The following FRMD6 variants were observed in gnomAD, a reference collection of about 807,000 sequenced individuals.
The protein encoded by FRMD6 is FERM domain containing 6.
Under a neutral mutation model 73.2 loss-of-function variants are expected in FRMD6, and 37 were observed. The ratio of observed to expected loss-of-function variants is 0.51; its 90% CI spans 0.39 to 0.66. The LOEUF (loss-of-function observed/expected upper bound fraction) is 0.66, where lower values mean the gene tolerates loss of function less well. FRMD6 is among the 30% of genes least tolerant of loss of function. FRMD6 has a pLI of 0.00. For missense variants in FRMD6, 714 were observed against 780.5 expected (o/e 0.91, Z 1.02); for synonymous variants, 273 against 282.2 (o/e 0.97, Z 0.33).
At chr14:51,456,486 CT>C in the FRMD6 span, among the ~76,000 whole-genome samples, 26 of 152,274 alleles carry the variant, frequency 1.7e-4, no homozygotes, top group East Asian at 4.1e-3. Flanking sequence ...TGAACTCATC[CT>C]TTTTTTACAG....
At chr14:51,689,279 C>T (rs4542578) in intron 1 of FRMD6, among the ~76,000 whole-genome samples, 1 of 152,052 alleles carries the variant, frequency 6.6e-6, no homozygotes, top group Admixed American at 6.5e-5. Context: ...ATGTAAGAGC[C>T]AAGACATTTA....
intron 2 of FRMD6, among the ~76,000 whole-genome samples, chr14:51,577,964 C>G (rs1262064137): frequency 6.6e-6 from 1 of 152,138 alleles, no homozygotes; most frequent in Non-Finnish European, 1.5e-5. Context: ...ACCAATAGGG[C>G]CTACTCACAG....
the FRMD6 span, among the ~76,000 whole-genome samples, chr14:51,457,533 A>G: frequency 3.9e-5 from 6 of 152,168 alleles, no homozygotes; most frequent in Non-Finnish European, 8.8e-5. Flanking sequence ...AGTTAGAGAA[A>G]TGTCCCCCAT....
Position 51,699,927 on chromosome 14 carries a change from TAAG to T in FRMD6, c.191-1128_191-1126del, listed in dbSNP as rs570891427. Among the ~76,000 whole-genome samples the T allele has an allele frequency of 3.9e-4, 55 of 141,974 alleles. 2 individuals carry two copies. In the East Asian group the frequency reaches 9.5e-3, roughly 24 times the overall value. 93.1% of individuals were successfully genotyped at this position (141,974 alleles called of 152,430 possible). ...TGTTAGTTGACCTAATAACTGGATT[TAAG>T]TAGCATTCCTTTTTTTGTCTCTGGG... On this transcript the variant is annotated intron_variant, in intron 3 of 13. Coordinates refer to ENST00000344768, the MANE Select transcript of FRMD6 (RefSeq NM_001267046.2).
intron 10 of FRMD6, among the ~76,000 whole-genome samples, 199 bp downstream of exon 10, chr14:51,715,698 AT>A (rs1292285917): frequency 1.3e-5 from 2 of 152,214 alleles, no homozygotes; most frequent in African/African-American, 4.8e-5. Context: ...TGTAGCACTT[AT>A]TCAGAATATC....
intron 1 of FRMD6, among the ~76,000 whole-genome samples, chr14:51,512,809 G>A (rs1884393754): frequency 6.6e-6 from 1 of 152,138 alleles, no homozygotes; most frequent in South Asian, 2.1e-4. Context: ...AAGGATTGGG[G>A]CTCAGTGGTG....
At chr14:51,672,746 C>CT (rs1222042197) in intron 1 of FRMD6, among the ~76,000 whole-genome samples, 1 of 152,066 alleles carries the variant, frequency 6.6e-6, no homozygotes, top group Non-Finnish European at 1.5e-5. Context: ...GGAAGTTTGT[C>CT]TTTTAACAGA....
chr14:51,556,319 T>C (rs1449561464), intron 1 of FRMD6, among the ~76,000 whole-genome samples: 2 of 152,262 alleles, frequency 1.3e-5, no homozygotes, highest in African/African-American at 4.8e-5. Flanking sequence ...GAATGCACTG[T>C]ATTCATTTTT....
chr14:51,680,581 C>A (rs1894724406), intron 1 of FRMD6, among the ~76,000 whole-genome samples: 1 of 152,118 alleles, frequency 6.6e-6, no homozygotes, highest in East Asian at 1.9e-4. Context: ...TATGCTTATT[C>A]ATTGACTAAC....
chr14:51,689,580 T>TA (rs1895400290), intron 1 of FRMD6, 111 bp from the exon 2 acceptor site: 1 of 448,312 alleles, frequency 2.2e-6, no homozygotes, highest in African/African-American at 1.9e-5. Context: ...TGGCTGGAGA[T>TA]ATGCTGTCCC....
chr14:51,542,887 C>T (rs1446820131), intron 1 of FRMD6, among the ~76,000 whole-genome samples: 2 of 151,984 alleles, frequency 1.3e-5, no homozygotes, highest in East Asian at 3.9e-4. Flanking sequence ...AGCATCTTTC[C>T]ATATACTTCT....
chr14:51,421,859 C>T, the FRMD6 span, among the ~76,000 whole-genome samples: 1 of 152,194 alleles, frequency 6.6e-6, no homozygotes, highest in African/African-American at 2.4e-5. Flanking sequence ...GCAGCCCAGG[C>T]CTGCAGACTT....
intron 1 of FRMD6, among the ~76,000 whole-genome samples, chr14:51,564,073 A>G (rs543452694): frequency 6.6e-6 from 1 of 152,260 alleles, no homozygotes; most frequent in South Asian, 2.1e-4. Flanking sequence ...TCTGGTCACT[A>G]TTTATCCTAC....
chr14:51,518,735 C>T (rs1372021652), intron 1 of FRMD6, among the ~76,000 whole-genome samples: 1 of 152,208 alleles, frequency 6.6e-6, no homozygotes, highest in African/African-American at 2.4e-5. Context: ...ACGATACAAG[C>T]CTTACTCCAA....
exon 1 of FRMD6, chr14:51,489,192 A>G (rs995787328): frequency 3.3e-5 from 5 of 152,160 alleles, no homozygotes; most frequent in African/African-American, 7.2e-5. Flanking sequence ...CTTTCCCCCA[A>G]TCTCAATCCC....
intron 1 of FRMD6, among the ~76,000 whole-genome samples, chr14:51,665,054 G>T (rs1369999259): frequency 6.6e-6 from 1 of 152,192 alleles, no homozygotes; most frequent in Non-Finnish European, 1.5e-5. Context: ...CATCATGCCA[G>T]CCCAGAGTTG....
the FRMD6 span, among the ~76,000 whole-genome samples, chr14:51,437,384 C>T: frequency 2.6e-5 from 4 of 152,158 alleles, no homozygotes; most frequent in Admixed American, 2.0e-4. Context: ...CTCACTGCAA[C>T]CTCCGCCTGC....
At chr14:51,702,891 G>T (rs930063318) in intron 5 of FRMD6, among the ~76,000 whole-genome samples, 2 of 151,910 alleles carry the variant, frequency 1.3e-5, no homozygotes, top group Non-Finnish European at 2.9e-5. Context: ...AACCAAATCA[G>T]TCTCCAAAAA....
At chr14:51,705,920 G>T (rs1896599145) in intron 6 of FRMD6, among the ~76,000 whole-genome samples, 1 of 152,062 alleles carries the variant, frequency 6.6e-6, no homozygotes, top group African/African-American at 2.4e-5. Context: ...CACATCTTGG[G>T]AGATCTCATC....
Sources: gnomAD v4.1 joint callset for allele counts (sites outside exome capture counted in the v4.1 genomes callset) on GRCh38, gnomAD v4.1.1 for gene constraint, MANE v1.5 for transcripts, NCBI Gene and HGNC (gene_info 2026-07-23, HGNC 2026-07-21) for gene names.